ROS1: variants seen among roughly 807,000 people sequenced by gnomAD.
The protein encoded by ROS1 is ROS proto-oncogene 1, receptor tyrosine kinase, also known as proto-oncogene tyrosine-protein kinase ROS.
A neutral mutation model predicts 273.5 loss-of-function variants in ROS1; 263 were observed. The ratio of observed to expected loss-of-function variants is 0.96; its 90% confidence interval spans 0.87 to 1.06. ROS1 has a LOEUF of 1.06. Ranked by LOEUF, ROS1 falls within the 50% of genes least tolerant of loss-of-function variation. The pLI is 0.00. For synonymous variants in ROS1, 1,008 were observed against 954.1 expected, an observed-to-expected ratio of 1.06 and a Z score of -1.04; for missense variants, 2,833 against 2,751.1, an observed-to-expected ratio of 1.03 and a Z score of -0.67.
chr6:117,372,438 T>C (rs2098920413), intron 18 of ROS1, among the ~76,000 whole-genome samples: 1 of 152,170 alleles, frequency 6.6e-6, no homozygotes, highest in South Asian at 2.1e-4. Context: ...ACAATAGCAC[T>C]GTTTCCGGAA....
At chr6:117,402,888 CAAAAAAAAA>C (rs10617636) in intron 7 of ROS1, among the ~76,000 whole-genome samples, 2 of 113,904 alleles carry the variant, frequency 1.8e-5, no homozygotes, top group African/African-American at 6.2e-5. Context: ...ACTCTGTCTC[CAAAAAAAAA>C]AAAAAAAAGA....
chr6:117,375,436 T>C (rs1047492339), intron 18 of ROS1, among the ~76,000 whole-genome samples: 5 of 152,180 alleles, frequency 3.3e-5, no homozygotes, highest in African/African-American at 7.2e-5. Context: ...CAAAAACCTA[T>C]TGAATTAAAT....
At chr6:117,409,454 T>C (rs1774715916) in intron 5 of ROS1, 128 bp downstream of exon 5, 2 of 705,086 alleles carry the variant, frequency 2.8e-6, no homozygotes, top group Non-Finnish European at 5.1e-6. Flanking sequence ...ATTCTCTAAA[T>C]AGATATTTTT....
intron 36 of ROS1, among the ~76,000 whole-genome samples, chr6:117,320,434 A>G (rs1377394449): frequency 6.6e-6 from 1 of 152,142 alleles, no homozygotes; most frequent in East Asian, 1.9e-4. Context: ...GCTATTTCAC[A>G]CATGTGACAT....
At chr6:117,377,627 A>T (rs368386335) in intron 18 of ROS1, among the ~76,000 whole-genome samples, 40 of 152,338 alleles carry the variant, frequency 2.6e-4, no homozygotes, top group African/African-American at 8.9e-4. Flanking sequence ...TGGAGTATAA[A>T]ATCTTCACAA....
intron 1 of ROS1, among the ~76,000 whole-genome samples, chr6:117,422,082 C>CT (rs1262021415): frequency 7.9e-5 from 12 of 152,162 alleles, no homozygotes; most frequent in African/African-American, 2.9e-4. Flanking sequence ...GTAATCACAG[C>CT]TGACAGCATC....
chr6:117,363,381 C>T (rs1188246010), intron 21 of ROS1, among the ~76,000 whole-genome samples: 1 of 152,112 alleles, frequency 6.6e-6, no homozygotes, highest in African/African-American at 2.4e-5. Flanking sequence ...TGATCGTACC[C>T]CAAGAGTAAG....
At chr6:117,386,196 G>A (rs148120749) in intron 15 of ROS1, among the ~76,000 whole-genome samples, 3 of 152,352 alleles carry the variant, frequency 2.0e-5, no homozygotes, top group South Asian at 2.1e-4. Flanking sequence ...GAGATCATGT[G>A]TTCTGCCTGA....
chr6:117,322,280 G>T (rs908180798), intron 35 of ROS1, among the ~76,000 whole-genome samples: 3 of 151,934 alleles, frequency 2.0e-5, no homozygotes, highest in South Asian at 2.1e-4. Context: ...TCACCACCTC[G>T]CTTCACTTTT....
intron 43 of ROS1, among the ~76,000 whole-genome samples, chr6:117,291,315 T>G (rs1359261336): frequency 6.6e-6 from 1 of 152,230 alleles, no homozygotes; most frequent in African/African-American, 2.4e-5. Context: ...TGAATATTTG[T>G]CTGCTTCTCT....
chr6:117,314,043 A>G (rs1775730309), intron 39 of ROS1, among the ~76,000 whole-genome samples: 1 of 152,150 alleles, frequency 6.6e-6, no homozygotes, highest in Non-Finnish European at 1.5e-5. Context: ...AACGATCTGG[A>G]AAAAGTAGAT....
At chr6:117,293,157 C>T (rs749879577) in intron 43 of ROS1, among the ~76,000 whole-genome samples, 1 of 152,166 alleles carries the variant, frequency 6.6e-6, no homozygotes, top group African/African-American at 2.4e-5. Flanking sequence ...TCTTGACTCT[C>T]CCTCTGCCAT....
chr6:117,373,628 G>A (rs114786725), intron 18 of ROS1, among the ~76,000 whole-genome samples: 2,355 of 152,256 alleles, frequency 0.015, 52 homozygotes, highest in African/African-American at 0.054. Flanking sequence ...GCTGGCCTGC[G>A]ACCACCACAC....
At chr6:117,355,715 G>C (rs1490314855) in intron 26 of ROS1, among the ~76,000 whole-genome samples, 1 of 151,806 alleles carries the variant, frequency 6.6e-6, no homozygotes, top group East Asian at 1.9e-4. Flanking sequence ...GTTCAAGTGA[G>C]TCTTCCTGTC....
chr6:117,357,998 A>G lies in ROS1; in HGVS notation c.3645T>C (p.Asp1215=), dbSNP rs139443512. ...TAACTGTGATATCAAAAACCAGTGA[A>G]TCTTGGAAAAGCTTAACAACAGGTA... ...HNRSSSELFQ[D]SLVFDITVIT... Residue 1215 remains aspartate, a synonymous_variant, in exon 25 of 44, where the codon GAT becomes GAC. Transcript: ENST00000368507. The G allele has an allele frequency of 6.2e-7, 1 of 1,612,392 alleles. No individual in the cohort carries two copies. The highest frequency in any genetic ancestry group is 8.5e-7 in the Non-Finnish European group (1 of 1,178,802).
chr6:117,319,593 A>T (rs1776143427), intron 37 of ROS1, among the ~76,000 whole-genome samples: 1 of 152,112 alleles, frequency 6.6e-6, no homozygotes. Flanking sequence ...CAGTTCTCTT[A>T]TGGCATGTTT....
At chr6:117,303,633 C>A (rs567884358) in intron 42 of ROS1, among the ~76,000 whole-genome samples, 24 of 152,258 alleles carry the variant, frequency 1.6e-4, no homozygotes, top group Non-Finnish European at 2.4e-4. Context: ...ACAGGGCAGG[C>A]AAGGAGTTGG....
chr6:117,360,088 G>T, intron 23 of ROS1, 77 bp from the exon 24 acceptor site: 1 of 1,227,456 alleles, frequency 8.1e-7, no homozygotes, highest in Non-Finnish European at 1.2e-6. Flanking sequence ...TTTAATATCT[G>T]GCAGTTTTGA....
In ROS1 at chr6:117,394,142, C is replaced by T. The variant is rs761136860; in HGVS notation, c.1191+20G>A. The stretch of plus-strand genomic sequence containing the variant: ...AGTATCACTGTCTATCACTATTCCT[C>T]TTTAACTTCTCGGACTAACCAGTTC... On this transcript the variant is annotated intron_variant, in intron 11 of 43. Coordinates refer to ENST00000368507, the MANE Select transcript of ROS1 (RefSeq NM_001378902.1). 5.9e-6 allele frequency: 9 copies of T among 1,524,984 alleles called. No individual in the cohort carries two copies. Among genetic ancestry groups the T allele is most frequent in the Admixed American group, 2.0e-5 (1 of 50,000 alleles). 94.5% of individuals were successfully genotyped at this position (1,524,984 alleles called of 1,614,324 possible).
Sources: allele counts gnomAD v4.1 joint callset (sites outside exome capture counted in the v4.1 genomes callset), GRCh38; gene constraint gnomAD v4.1.1; transcripts MANE v1.5; gene names NCBI Gene and HGNC (gene_info 2026-07-23, HGNC 2026-07-21).